ACVR2A: variants seen among roughly 807,000 people sequenced by gnomAD.
ACVR2A encodes activin receptor type-2A.
Under a neutral mutation model 61.4 loss-of-function variants are expected in ACVR2A, and 7 were observed. The ratio of observed to expected loss-of-function variants is 0.11; its 90% CI spans 0.06 to 0.21. The LOEUF (loss-of-function observed/expected upper bound fraction) is 0.21, where lower values mean the gene tolerates loss of function less well. ACVR2A is among the 10% of genes least tolerant of loss of function. The pLI, the probability that ACVR2A is intolerant of heterozygous loss-of-function variation, is 1.00. For synonymous variants in ACVR2A, 193 were observed against 208.3 expected (o/e 0.93, Z 0.63); for missense variants, 322 against 621.7 (o/e 0.52, Z 5.13).
At chr2:147,909,258 ACTGAATT>A (rs1687060762) in intron 4 of ACVR2A, among the ~76,000 whole-genome samples, 1 of 152,148 alleles carries the variant, frequency 6.6e-6, no homozygotes, top group Admixed American at 6.5e-5. Context: ...TGTTGAAGGT[ACTGAATT>A]CCTTTTTATT....
At chr2:147,850,835 TTGTTTTAATAAAGGGAC>T (rs1233505599) in intron 1 of ACVR2A, among the ~76,000 whole-genome samples, 1 of 152,180 alleles carries the variant, frequency 6.6e-6, no homozygotes, top group Non-Finnish European at 1.5e-5. Flanking sequence ...AGGTCAGGCT[TTGTTTTAATAAAGGGAC>T]TTAAAGGAAA....
chr2:147,848,009 G>C (rs1321820872), intron 1 of ACVR2A, among the ~76,000 whole-genome samples: 2 of 152,102 alleles, frequency 1.3e-5, no homozygotes, highest in Non-Finnish European at 2.9e-5. Flanking sequence ...TATGGTCAAT[G>C]TATTTGATGA....
intron 8 of ACVR2A, among the ~76,000 whole-genome samples, chr2:147,920,575 T>G (rs572721799): frequency 6.2e-4 from 95 of 152,274 alleles, no homozygotes; most frequent in Non-Finnish European, 9.4e-4. Flanking sequence ...GGATTCTTTT[T>G]GAAAAATTGA....
chr2:147,928,267 T>G lies in ACVR2A; in HGVS notation c.*993T>G, dbSNP rs1285702784. On this transcript the variant is annotated 3_prime_UTR_variant, in exon 11 of 11. Coordinates refer to ENST00000241416, the MANE Select transcript of ACVR2A (RefSeq NM_001616.5). ...ACACTGGAAAGCTCTTCATTTTATC[T>G]TTTAAAATAGAGTTTTTTCTATTTA... 1 of 152,388 alleles carries G rather than the reference T, an allele frequency of 6.6e-6. No homozygotes were observed. The highest frequency in any genetic ancestry group is 6.6e-5 in the Admixed American group (1 of 15,192). The allele number at this position is 152,388 out of a possible 1,614,324, so 9.4% of individuals were successfully genotyped here.
intron 1 of ACVR2A, among the ~76,000 whole-genome samples, chr2:147,868,573 C>A (rs1439379948): frequency 6.9e-6 from 1 of 145,762 alleles, no homozygotes; most frequent in Admixed American, 6.7e-5. Context: ...CTGTTCCCTG[C>A]CCCCCCCAAG....
intron 1 of ACVR2A, among the ~76,000 whole-genome samples, chr2:147,867,652 A>G (rs1685897829): frequency 1.3e-5 from 2 of 152,216 alleles, no homozygotes; most frequent in Admixed American, 1.3e-4. Flanking sequence ...ACTCTTTGCT[A>G]GAAACCGTGG....
chr2:147,865,744 G>A (rs764501610), intron 1 of ACVR2A, among the ~76,000 whole-genome samples: 15 of 152,176 alleles, frequency 9.9e-5, no homozygotes, highest in Non-Finnish European at 2.1e-4. Context: ...TCACAACTGG[G>A]AGAAGAGATG....
intron 1 of ACVR2A, among the ~76,000 whole-genome samples, chr2:147,893,405 G>C (rs1375293415): frequency 2.6e-5 from 4 of 152,176 alleles, no homozygotes; most frequent in Non-Finnish European, 5.9e-5. Flanking sequence ...ACATGTGATT[G>C]CTGGGTAGTA....
intron 1 of ACVR2A, among the ~76,000 whole-genome samples, chr2:147,850,109 T>C (rs1367582776): frequency 6.6e-6 from 1 of 152,158 alleles, no homozygotes; most frequent in African/African-American, 2.4e-5. Flanking sequence ...TGCTCACTGC[T>C]CTGTAACTCA....
intron 6 of ACVR2A, 105 bp from the exon 7 acceptor site, chr2:147,918,342 C>A: frequency 1.1e-6 from 1 of 940,912 alleles, no homozygotes; most frequent in Non-Finnish European, 1.5e-6. Flanking sequence ...TATTATTTTT[C>A]CCTGAAAGGG....
At chr2:147,891,516 CAAA>C (rs1158821330) in intron 1 of ACVR2A, among the ~76,000 whole-genome samples, 1 of 111,160 alleles carries the variant, frequency 9.0e-6, no homozygotes. Flanking sequence ...TAGATGGTAG[CAAA>C]AAAAAAAAAA....
At chr2:147,848,945 C>T (rs1685384820) in intron 1 of ACVR2A, among the ~76,000 whole-genome samples, 1 of 152,086 alleles carries the variant, frequency 6.6e-6, no homozygotes, top group Non-Finnish European at 1.5e-5. Context: ...TATTGATGAT[C>T]TCCAGGTAAC....
intron 5 of ACVR2A, among the ~76,000 whole-genome samples, chr2:147,916,577 A>C (rs1196169379): frequency 6.6e-6 from 1 of 151,920 alleles, no homozygotes; most frequent in Non-Finnish European, 1.5e-5. Context: ...GCCAGAGGTT[A>C]GTGGGAGAGC....
At chr2:147,915,382 G>A (rs1434680636) in intron 5 of ACVR2A, 48 bp downstream of exon 5, 4 of 1,602,938 alleles carry the variant, frequency 2.5e-6, no homozygotes, top group Admixed American at 1.7e-5. Context: ...TTTATGGCTA[G>A]GTCATCATAA....
intron 1 of ACVR2A, among the ~76,000 whole-genome samples, chr2:147,881,143 G>T (rs1686288279): frequency 6.6e-6 from 1 of 152,154 alleles, no homozygotes; most frequent in South Asian, 2.1e-4. Context: ...GCCTGTCCTA[G>T]CAAAGCAGTC....
intron 1 of ACVR2A, among the ~76,000 whole-genome samples, chr2:147,852,099 A>C (rs1210088308): frequency 6.6e-6 from 1 of 152,106 alleles, no homozygotes; most frequent in East Asian, 1.9e-4. Context: ...TTAAATAATT[A>C]AAATTAGAAT....
At chr2:147,910,311 A>G (rs1687083944) in intron 4 of ACVR2A, among the ~76,000 whole-genome samples, 1 of 152,132 alleles carries the variant, frequency 6.6e-6, no homozygotes, top group East Asian at 1.9e-4. Flanking sequence ...TTATAGTGTC[A>G]TCTTTATCTC....
In ACVR2A at chr2:147,897,373, T is replaced by TA. The variant is rs1303114855; in HGVS notation, c.263+866dup. ...CAGAACTAACAGTCCTCAAACTACA[T>TA]ACTTGTTTTAATTGCTTTACTCTGT... On this transcript the variant is annotated intron_variant, in intron 2 of 10. Transcript: ENST00000241416. Among the ~76,000 whole-genome samples the TA allele has an allele frequency of 3.9e-5, 6 of 152,290 alleles. No homozygotes were observed. The Middle Eastern group carries it at 0.01, about 259-fold the overall frequency.
At chr2:147,897,960 A>G (rs1686782129) in intron 2 of ACVR2A, among the ~76,000 whole-genome samples, 2 of 152,186 alleles carry the variant, frequency 1.3e-5, no homozygotes, top group Admixed American at 6.5e-5. Context: ...ATCCCAAACT[A>G]TCTTTTATCA....
Sources: allele counts gnomAD v4.1 joint callset (sites outside exome capture counted in the v4.1 genomes callset), GRCh38; gene constraint gnomAD v4.1.1; transcripts MANE v1.5; gene names NCBI Gene and HGNC (gene_info 2026-07-23, HGNC 2026-07-21).